Variants in NDST1 observed in about 807,000 individuals in gnomAD.
NDST1 encodes the protein N-deacetylase and N-sulfotransferase 1.
Under a neutral mutation model 92.8 loss-of-function variants are expected in NDST1, and 35 were observed. That is an observed-to-expected ratio of 0.38 (90% CI 0.29 to 0.50). The LOEUF (loss-of-function observed/expected upper bound fraction) is 0.50. Among genes scored for constraint, NDST1 ranks in the 20% least tolerant of loss-of-function variants. NDST1 has a pLI of 0.94. For missense variants in NDST1, 822 were observed against 1,182.7 expected (o/e 0.69, Z 4.47); for synonymous variants, 493 against 500.3 (o/e 0.99, Z 0.19).
At chr5:150,543,062 GC>G (rs1561605865) in intron 10 of NDST1, 91 bp downstream of exon 10, 11 of 1,538,276 alleles carry the variant, frequency 7.2e-6, no homozygotes, top group Non-Finnish European at 9.9e-6. Flanking sequence ...AGCAGCTGGA[GC>G]TTGCTCACAC....
rs758804616 is a variant in NDST1 at position 150,527,954 on chromosome 5, G to T, written c.664G>T (p.Gly222Cys). ...CGAGGTGGAGAAAGGTGTGCTCCCC[G>T]GCGAGGACTGGACGGTTTTCCAGTC... The part of the protein sequence containing the change: ...PSEVEKGVLP[G>C]EDWTVFQSNH... Residue 222 changes from glycine to cysteine, a missense_variant, in exon 3 of 15, where the codon GGC becomes TGC. Physicochemically the swap from Gly to Cys is radical, Grantham distance 159. Transcript: ENST00000261797. 1 of 1,613,988 alleles carries T rather than the reference G, an allele frequency of 6.2e-7. No individual in the cohort carries two copies. Among genetic ancestry groups the T allele is most frequent in the East Asian group, 2.2e-5 (1 of 44,882 alleles).
At position 150,549,829 on chromosome 5, in the gene NDST1, A is replaced by G. The variant is rs769924634; in HGVS notation, c.2426+42A>G. On this transcript the variant is annotated intron_variant, in intron 13 of 14. Coordinates refer to ENST00000261797, the MANE Select transcript of NDST1 (RefSeq NM_001543.5). ...CCTTTCTGCAGGTTATTTCCCTGAT[A>G]AGGCACCTGGGCCAACAAAGCCAAA... 5.4e-6 allele frequency: 7 copies of G among 1,285,970 alleles called. No individual in the cohort carries two copies. The East Asian group carries it at 9.2e-5, about 17-fold the overall frequency. 79.7% of individuals were successfully genotyped at this position (1,285,970 alleles called of 1,614,324 possible).
Position 150,548,337 on chromosome 5 carries a change from C to T in NDST1, c.2265C>T (p.Gly755=). ...RALQNRCLVP[G]WYATHIERWL... is the part of the protein sequence containing the mutation. The stretch of plus-strand genomic sequence containing the variant: ...TCCAGAACCGCTGCCTGGTCCCTGG[C>T]TGGTACGCCACCCACATCGAGCGCT... Residue 755 remains glycine (G), a synonymous_variant, in exon 12 of 15, where the codon GGC becomes GGT. Transcript: ENST00000261797. 1.2e-6 allele frequency: 2 copies of T among 1,613,978 alleles called. No homozygotes were observed. The highest frequency in any genetic ancestry group is 1.7e-6 in the Non-Finnish European group (2 of 1,180,042).
At chr5:150,503,778 C>G (rs1468299184), upstream of NDST1, among the ~76,000 whole-genome samples, 3 of 152,184 alleles carry the variant, frequency 2.0e-5, no homozygotes, top group East Asian at 3.8e-4. Flanking sequence ...GCATGGGCAG[C>G]CTCTGTTTTG....
intron 2 of NDST1, among the ~76,000 whole-genome samples, chr5:150,524,816 G>T (rs902079205): frequency 4.6e-5 from 7 of 152,332 alleles, no homozygotes; most frequent in Middle Eastern, 3.4e-3. Context: ...CATTTCCTTT[G>T]AGCATGACCT....
chr5:150,538,796 TGGA>T (rs1298896830), intron 6 of NDST1, among the ~76,000 whole-genome samples: 2 of 152,128 alleles, frequency 1.3e-5, no homozygotes, highest in African/African-American at 4.8e-5. Flanking sequence ...CCTGCTCCCT[TGGA>T]GCTCACAGTT....
chr5:150,498,550 T>C (rs1365076895), intron 1 of NDST1, among the ~76,000 whole-genome samples: 1 of 152,154 alleles, frequency 6.6e-6, no homozygotes, highest in Non-Finnish European at 1.5e-5. Flanking sequence ...GGGGAAACCC[T>C]TTCTGCATTC....
At chr5:150,531,625 G>A (rs953661058) in intron 3 of NDST1, among the ~76,000 whole-genome samples, 4 of 151,154 alleles carry the variant, frequency 2.6e-5, no homozygotes, top group South Asian at 2.1e-4. Flanking sequence ...TCAGCCTCCC[G>A]AATAGCTGGG....
At chr5:150,551,677 G>A in intron 13 of NDST1, 76 bp from the exon 14 acceptor site, 2 of 1,558,838 alleles carry the variant, frequency 1.3e-6, no homozygotes, top group Non-Finnish European at 1.7e-6. Flanking sequence ...CATTCCTGGG[G>A]TCCATGAACA....
intron 14 of NDST1, 21 bp downstream of exon 14, chr5:150,551,876 C>T: frequency 6.2e-7 from 1 of 1,611,214 alleles, no homozygotes; most frequent in Non-Finnish European, 8.5e-7. Context: ...GACACACTAC[C>T]TGTAGCACCT....
In NDST1 at chr5:150,554,744, T is replaced by C. The variant is rs1244192717; in HGVS notation, c.*1412T>C. 1 of 152,778 alleles carries C rather than the reference T, an allele frequency of 6.5e-6. No individual in the cohort carries two copies. Among genetic ancestry groups the C allele is most frequent in the Non-Finnish European group, 1.5e-5 (1 of 68,156 alleles). The allele number at this position is 152,778 out of a possible 1,614,324, so 9.5% of individuals were successfully genotyped here. ...CACTCTCCCTCACATGGTGCTAGGCTGGGAGCTGCCCTGAGAGCTGGGATG... is the reference window on the plus strand; with the variant it reads ...CACTCTCCCTCACATGGTGCTAGGCCGGGAGCTGCCCTGAGAGCTGGGATG... On this transcript the variant is annotated 3_prime_UTR_variant, in exon 15 of 15. Transcript: ENST00000261797.
At chr5:150,541,700 A>C in intron 9 of NDST1, 34 bp downstream of exon 9, 1 of 1,587,644 alleles carries the variant, frequency 6.3e-7, no homozygotes, top group Non-Finnish European at 8.6e-7. Context: ...AGCTTCCCCA[A>C]CTGCCTGCTG....
At chr5:150,511,608 TG>T (rs1753724541) in intron 1 of NDST1, among the ~76,000 whole-genome samples, 1 of 152,028 alleles carries the variant, frequency 6.6e-6, no homozygotes, top group Non-Finnish European at 1.5e-5. Flanking sequence ...CAGGGTAGAC[TG>T]TGCTCTCTGT....
At position 150,519,907 on chromosome 5, in the gene NDST1, G is replaced by A. The variant is rs10071263; in HGVS notation, c.-387-961G>A. 4.6e-3 allele frequency among the ~76,000 whole-genome samples: 696 copies of A among 152,236 alleles called. 4 individuals carry two copies. The highest frequency in any genetic ancestry group is 0.016 in the African/African-American group (650 of 41,510). ...TGGCCTGGGTGCAGGCGGTGCGGGG[G>A]GTTCAGGCTGAGGGGGAGGCTGGAA... On this transcript the variant is annotated intron_variant, in intron 1 of 14. Transcript: ENST00000261797.
chr5:150,498,491 C>T (rs1193018612), intron 1 of NDST1, among the ~76,000 whole-genome samples: 3 of 152,182 alleles, frequency 2.0e-5, no homozygotes, highest in Non-Finnish European at 4.4e-5. Context: ...GCTGGGCTTT[C>T]TAGGAGCTGC....
chr5:150,500,982 C>T (rs535534320), intron 1 of NDST1, among the ~76,000 whole-genome samples: 12 of 152,278 alleles, frequency 7.9e-5, no homozygotes, highest in East Asian at 5.8e-4. Flanking sequence ...TTGTCTATGA[C>T]GACCTAGTTA....
intron 1 of NDST1, among the ~76,000 whole-genome samples, chr5:150,511,795 G>A (rs1433181225): frequency 1.3e-5 from 2 of 152,120 alleles, no homozygotes. Flanking sequence ...TTCTGGTCTC[G>A]GCCTCCCAGG....
chr5:150,536,827 A>G (rs1755013671), intron 6 of NDST1, among the ~76,000 whole-genome samples: 1 of 152,240 alleles, frequency 6.6e-6, no homozygotes, highest in Non-Finnish European at 1.5e-5. Context: ...GGCCTCCCAA[A>G]GTGCCAGGAA....
chr5:150,533,301 C>A (rs1285572357), intron 4 of NDST1, among the ~76,000 whole-genome samples: 1 of 152,250 alleles, frequency 6.6e-6, no homozygotes, highest in Non-Finnish European at 1.5e-5. Context: ...GGGGCATCTT[C>A]TCCCTCTTGC....
Sources: gnomAD v4.1 joint callset for allele counts (sites outside exome capture counted in the v4.1 genomes callset) on GRCh38, gnomAD v4.1.1 for gene constraint, MANE v1.5 for transcripts, NCBI Gene and HGNC (gene_info 2026-07-23, HGNC 2026-07-21) for gene names.